FSTL5: variants seen among roughly 807,000 people sequenced by gnomAD.
FSTL5 encodes the protein follistatin-related protein 5.
A neutral mutation model predicts 89.1 loss-of-function variants in FSTL5; 62 were observed. That is an observed-to-expected ratio of 0.70 (90% CI 0.57 to 0.86). The LOEUF is 0.86. FSTL5 is among the 40% of genes least tolerant of loss of function. FSTL5 has a pLI of 0.00. For missense variants in FSTL5, 1,057 were observed against 1,001.6 expected, an observed-to-expected ratio of 1.06 and a Z score of -0.75; for synonymous variants, 383 against 346.2, an observed-to-expected ratio of 1.11 and a Z score of -1.18.
intron 6 of FSTL5, among the ~76,000 whole-genome samples, chr4:161,715,770 G>A (rs974751695): frequency 7.2e-5 from 11 of 152,084 alleles, no homozygotes; most frequent in African/African-American, 2.7e-4. Flanking sequence ...TCATTCAAGG[G>A]TTTAGAGCAA....
At chr4:161,883,067 A>G (rs777053767) in intron 4 of FSTL5, among the ~76,000 whole-genome samples, 15 of 152,210 alleles carry the variant, frequency 9.9e-5, no homozygotes, top group South Asian at 2.1e-4. Context: ...AGCTAAAGAT[A>G]TGTTTAGGAT....
At chr4:161,953,024 C>T (rs937720665) in intron 3 of FSTL5, among the ~76,000 whole-genome samples, 1 of 151,706 alleles carries the variant, frequency 6.6e-6, no homozygotes, top group Admixed American at 6.6e-5. Flanking sequence ...AGACAAGACA[C>T]AATTCTTAGA....
At chr4:161,697,350 A>G (rs1738204916) in intron 6 of FSTL5, among the ~76,000 whole-genome samples, 1 of 152,198 alleles carries the variant, frequency 6.6e-6, no homozygotes. Context: ...TGTCAGCTCA[A>G]TATCTGTTTC....
chr4:161,622,557 G>GTA lies in FSTL5; in HGVS notation c.894+33769_894+33770dup, dbSNP rs536947353. 7.9e-3 allele frequency among the ~76,000 whole-genome samples: 1,183 copies of GTA among 150,328 alleles called. 16 individuals carry two copies. Among genetic ancestry groups the GTA allele is most frequent in the African/African-American group, 0.026 (1,088 of 41,092 alleles). On this transcript the variant is annotated intron_variant, in intron 7 of 15. Coordinates refer to ENST00000306100, the MANE Select transcript of FSTL5 (RefSeq NM_020116.5). ...TATGTATTTATTTATTTACATATGT[G>GTA]TATATATATATATAATGACCAAGTG...
At chr4:161,770,523 G>C (rs1741170160) in intron 5 of FSTL5, among the ~76,000 whole-genome samples, 1 of 151,690 alleles carries the variant, frequency 6.6e-6, no homozygotes, top group Non-Finnish European at 1.5e-5. Context: ...AAAAGCGACA[G>C]AATCTTGATT....
intron 6 of FSTL5, among the ~76,000 whole-genome samples, chr4:161,691,649 A>C (rs2126719908): frequency 6.6e-6 from 1 of 152,290 alleles, no homozygotes; most frequent in Admixed American, 6.5e-5. Flanking sequence ...TCCAATTTAT[A>C]AACAGTGGAT....
At position 162,041,481 on chromosome 4, in the gene FSTL5, A is replaced by G. The variant is rs983614973; in HGVS notation, c.127-7823T>C. ...ATTAGATTTATTAGTAGCCTAATGAATATATATATATATAACACAATCTGG... is the reference window on the plus strand; with the variant it reads ...ATTAGATTTATTAGTAGCCTAATGAGTATATATATATATAACACAATCTGG... On this transcript the variant is annotated intron_variant, in intron 2 of 15. Coordinates refer to ENST00000306100, the MANE Select transcript of FSTL5 (RefSeq NM_020116.5). 1.1e-3 allele frequency among the ~76,000 whole-genome samples: 153 copies of G among 141,760 alleles called. 4 individuals are homozygous for G. The highest frequency in any genetic ancestry group is 0.01 in the Admixed American group (150 of 14,464). 93.0% of individuals were successfully genotyped at this position (141,760 alleles called of 152,430 possible).
At chr4:162,073,561 G>A (rs919555360) in intron 2 of FSTL5, among the ~76,000 whole-genome samples, 2 of 151,616 alleles carry the variant, frequency 1.3e-5, no homozygotes, top group African/African-American at 2.4e-5. Context: ...TAGGCTCTAA[G>A]CAGCTATATT....
chr4:161,835,207 A>G (rs1359428911), intron 4 of FSTL5, among the ~76,000 whole-genome samples: 2 of 151,896 alleles, frequency 1.3e-5, no homozygotes, highest in Non-Finnish European at 2.9e-5. Flanking sequence ...TGGGGAAAGG[A>G]TTCCCTATTT....
In FSTL5 at chr4:162,037,627, T is replaced by G. The variant is rs112119735; in HGVS notation, c.127-3969A>C. On this transcript the variant is annotated intron_variant, in intron 2 of 15. Coordinates refer to ENST00000306100, the MANE Select transcript of FSTL5 (RefSeq NM_020116.5). ...TTCTCTCCCATACAGTTTTATATAA[T>G]TATAAATTACCAATGCAAATCTGTC... Among the ~76,000 whole-genome samples, 329 of 152,020 alleles carry G rather than the reference T, an allele frequency of 2.2e-3. 3 individuals are homozygous for G. The highest frequency in any genetic ancestry group is 7.5e-3 in the African/African-American group (313 of 41,540).
chr4:161,817,720 G>A (rs1008837395), intron 4 of FSTL5, among the ~76,000 whole-genome samples: 1 of 152,074 alleles, frequency 6.6e-6, no homozygotes, highest in Non-Finnish European at 1.5e-5. Flanking sequence ...GTACATGTGC[G>A]TGTGCCTGTG....
chr4:161,428,787 A>C (rs755177487), intron 15 of FSTL5, among the ~76,000 whole-genome samples: 3 of 152,114 alleles, frequency 2.0e-5, no homozygotes, highest in Non-Finnish European at 4.4e-5. Context: ...AAGTGTGACG[A>C]AGCACATTCC....
At position 162,064,745 on chromosome 4, in the gene FSTL5, T is replaced by C. The variant is rs147827644; in HGVS notation, c.127-31087A>G. On this transcript the variant is annotated intron_variant, in intron 2 of 15. Coordinates refer to ENST00000306100, the MANE Select transcript of FSTL5 (RefSeq NM_020116.5). Reference sequence around the variant, plus strand: ...GTCTATGGGTACACCATCCATGCCATAATAGAAATCCCAAGAACTTGTTCA... The same window carrying C: ...GTCTATGGGTACACCATCCATGCCACAATAGAAATCCCAAGAACTTGTTCA... Among the ~76,000 whole-genome samples, 17 of 152,150 alleles carry C rather than the reference T, an allele frequency of 1.1e-4. No homozygotes were observed. The East Asian group carries it at 2.1e-3, about 19-fold the overall frequency.
At chr4:161,544,809 C>T (rs1731951865) in intron 8 of FSTL5, among the ~76,000 whole-genome samples, 1 of 151,582 alleles carries the variant, frequency 6.6e-6, no homozygotes, top group Non-Finnish European at 1.5e-5. Flanking sequence ...AAATATGGTC[C>T]CTGTATTAGA....
intron 2 of FSTL5, among the ~76,000 whole-genome samples, chr4:162,064,642 C>A (rs960302509): frequency 2.0e-5 from 3 of 152,112 alleles, no homozygotes; most frequent in South Asian, 2.1e-4. Flanking sequence ...ATTCTGGTTT[C>A]CAGCTTGCCA....
At chr4:161,397,548 C>T (rs992165985) in intron 15 of FSTL5, among the ~76,000 whole-genome samples, 4 of 150,946 alleles carry the variant, frequency 2.6e-5, no homozygotes, top group African/African-American at 9.7e-5. Context: ...AAAATGATAT[C>T]TATATCGATG....
chr4:162,042,773 A>G (rs953043332), intron 2 of FSTL5, among the ~76,000 whole-genome samples: 2 of 152,020 alleles, frequency 1.3e-5, no homozygotes, highest in African/African-American at 4.8e-5. Flanking sequence ...GCCATACAAA[A>G]TGATGAGTTC....
chr4:162,112,775 T>TCTCACACACA (rs1554000431), intron 1 of FSTL5, among the ~76,000 whole-genome samples: 1 of 139,328 alleles, frequency 7.2e-6, no homozygotes, highest in South Asian at 2.4e-4. Context: ...ACCGACACAA[T>TCTCACACACA]CACACACACA....
At chr4:161,958,966 T>C (rs926787963) in intron 3 of FSTL5, among the ~76,000 whole-genome samples, 10 of 152,108 alleles carry the variant, frequency 6.6e-5, no homozygotes, top group Non-Finnish European at 1.3e-4. Flanking sequence ...GGGAGACTGT[T>C]GTGCTCTTTC....
Sources: gnomAD v4.1 joint callset for allele counts (sites outside exome capture counted in the v4.1 genomes callset) on GRCh38, gnomAD v4.1.1 for gene constraint, MANE v1.5 for transcripts, NCBI Gene and HGNC (gene_info 2026-07-23, HGNC 2026-07-21) for gene names.